Variants in LRCH3 observed in about 807,000 individuals in gnomAD.
LRCH3 encodes the protein leucine rich repeats and calponin homology domain containing 3.
In LRCH3, 68 loss-of-function variants were observed where a neutral mutation model predicts 104.5. The ratio of observed to expected loss-of-function variants is 0.65; its 90% CI spans 0.54 to 0.80. LRCH3 has a LOEUF of 0.80. Ranked by LOEUF, LRCH3 falls within the 30% of genes least tolerant of loss-of-function variation. The probability of loss-of-function intolerance (pLI) is 0.00; values close to 1 mark genes in which losing one functional copy is unlikely to be tolerated. For missense variants in LRCH3, 951 were observed against 953.9 expected, an observed-to-expected ratio of 1.00 and a Z score of 0.04; for synonymous variants, 344 against 361.3, an observed-to-expected ratio of 0.95 and a Z score of 0.54.
intron 10 of LRCH3, among the ~76,000 whole-genome samples, chr3:197,846,390 AAAAAAAAAAAC>A (rs1482748642): frequency 1.8e-3 from 267 of 150,428 alleles, no homozygotes; most frequent in African/African-American, 4.3e-3. Context: ...GGCCACAAAA[AAAAAAAAAAAC>A]AAAAAAAAAA....
intron 12 of LRCH3, among the ~76,000 whole-genome samples, chr3:197,850,012 T>C (rs1282079802): frequency 1.3e-5 from 2 of 152,064 alleles, no homozygotes; most frequent in African/African-American, 4.8e-5. Context: ...AAAAAGAAAT[T>C]ATAGGGACCC....
chr3:197,831,225 C>T lies in LRCH3; in HGVS notation c.981+362C>T. ...AGGACTTTCGGCTGATGGGTAGAGA[C>T]AAGGACCTTAGTAAAGAGTATTCAT... On this transcript the variant is annotated intron_variant, in intron 7 of 20. Coordinates refer to ENST00000425562, the MANE Select transcript of LRCH3 (RefSeq NM_001365715.1). The T allele has an allele frequency of 1.1e-5, 2 of 188,446 alleles. 1 individual carries two copies. The highest frequency in any genetic ancestry group is 2.1e-4 in the South Asian group (2 of 9,676). 11.7% of individuals were successfully genotyped at this position (188,446 alleles called of 1,614,324 possible).
intron 17 of LRCH3, among the ~76,000 whole-genome samples, chr3:197,869,932 G>A (rs1035598879): frequency 3.3e-5 from 5 of 150,070 alleles, no homozygotes; most frequent in Non-Finnish European, 7.4e-5. Flanking sequence ...CCTGCAGGAG[G>A]TAGAAAGCGA....
chr3:197,830,791 T>G lies in LRCH3; in HGVS notation c.909T>G (p.Ser303Arg), dbSNP rs982121293. The G allele has an allele frequency of 8.7e-6, 14 of 1,613,914 alleles. No individual in the cohort carries two copies. The highest frequency in any genetic ancestry group is 1.2e-5 in the Non-Finnish European group (14 of 1,179,930). ...GCAGCCATGAAGAACTGTACTCAAG[T>G]CGCCCTTATGGAGCCCTTGATTCAG... ...FGSCHEELYSSRPYGALDSGF... is the reference protein window; with the variant it reads ...FGSCHEELYSRRPYGALDSGF... Residue 303 changes from serine to arginine, a missense_variant, in exon 7 of 21, where the codon AGT becomes AGG. Transcript: ENST00000425562.
At chr3:197,839,575 C>T (rs964276883) in intron 10 of LRCH3, among the ~76,000 whole-genome samples, 178 bp downstream of exon 10, 1 of 152,080 alleles carries the variant, frequency 6.6e-6, no homozygotes, top group African/African-American at 2.4e-5. Flanking sequence ...TGATTTGATT[C>T]TAAATTGAGA....
intron 9 of LRCH3, among the ~76,000 whole-genome samples, chr3:197,838,560 T>C (rs1388426729): frequency 1.3e-5 from 2 of 152,206 alleles, no homozygotes; most frequent in Admixed American, 6.5e-5. Context: ...GATGATTATT[T>C]TTGGTGTTGA....
At chr3:197,812,530 T>TTTTTTTTTTTTTA (rs1733286183) in intron 1 of LRCH3, among the ~76,000 whole-genome samples, 1 of 145,762 alleles carries the variant, frequency 6.9e-6, no homozygotes, top group South Asian at 2.2e-4. Flanking sequence ...TTTTTTTTTT[T>TTTTTTTTTTTTTA]AGGTGGAGTC....
At chr3:197,818,987 G>A (rs150366981) in intron 3 of LRCH3, among the ~76,000 whole-genome samples, 1,645 of 152,082 alleles carry the variant, frequency 0.011, 26 homozygotes, top group African/African-American at 0.038. Context: ...TTAGCCAGGC[G>A]TGGTGGCACG....
chr3:197,855,947 T>C (rs1740192289), intron 14 of LRCH3, among the ~76,000 whole-genome samples: 1 of 152,212 alleles, frequency 6.6e-6, no homozygotes, highest in Non-Finnish European at 1.5e-5. Context: ...TTCAGAAGGC[T>C]CCCGTTGCTT....
At chr3:197,817,341 T>TATTTTGTGTGTGTGTGCGTGTGTGTGTGG (rs372167489) in intron 3 of LRCH3, 39 bp downstream of exon 3, 1 of 435,452 alleles carries the variant, frequency 2.3e-6, no homozygotes. Context: ...TGTGTGTGTG[T>TATTTTGTGTGTGTGTGCGTGTGTGTGTGG]GTGTCTGTGT....
chr3:197,825,748 G>T (rs949086270), intron 4 of LRCH3, among the ~76,000 whole-genome samples: 4 of 151,612 alleles, frequency 2.6e-5, no homozygotes, highest in African/African-American at 9.7e-5. Context: ...CAAAGTACTG[G>T]GATTACAGGC....
At chr3:197,832,110 C>A (rs1188208706) in intron 7 of LRCH3, 87 bp from the exon 8 acceptor site, 14 of 1,381,948 alleles carry the variant, frequency 1.0e-5, no homozygotes, top group African/African-American at 1.5e-5. Context: ...GATCCTCCTG[C>A]TTTGGTCTCC....
chr3:197,827,967 C>T (rs1316006923), intron 5 of LRCH3, among the ~76,000 whole-genome samples: 3 of 151,346 alleles, frequency 2.0e-5, no homozygotes, highest in African/African-American at 7.3e-5. Flanking sequence ...GTCCCAGCTA[C>T]TCAGGAGGCT....
chr3:197,846,742 A>G (rs931818579), intron 10 of LRCH3, among the ~76,000 whole-genome samples: 5 of 152,162 alleles, frequency 3.3e-5, no homozygotes, highest in African/African-American at 9.7e-5. Flanking sequence ...GACAGTAACT[A>G]ATCTTGCCAG....
intron 5 of LRCH3, among the ~76,000 whole-genome samples, chr3:197,827,785 A>G (rs1735401262): frequency 6.6e-6 from 1 of 152,070 alleles, no homozygotes; most frequent in Non-Finnish European, 1.5e-5. Context: ...GACACCATAA[A>G]TGCTAGAGAC....
intron 10 of LRCH3, among the ~76,000 whole-genome samples, chr3:197,844,830 A>C (rs9758392): frequency 6.6e-6 from 1 of 151,850 alleles, no homozygotes; most frequent in East Asian, 1.9e-4. Flanking sequence ...CATGTTGACC[A>C]GGATGGCCTC....
At chr3:197,837,121 A>G (rs1736926792) in intron 9 of LRCH3, among the ~76,000 whole-genome samples, 1 of 152,218 alleles carries the variant, frequency 6.6e-6, no homozygotes, top group Non-Finnish European at 1.5e-5. Flanking sequence ...TACAGCCCAG[A>G]GATGGCAGTG....
chr3:197,808,093 G>T (rs1401901854), intron 1 of LRCH3, among the ~76,000 whole-genome samples: 1 of 152,178 alleles, frequency 6.6e-6, no homozygotes, highest in South Asian at 2.1e-4. Flanking sequence ...CAGTATCTGC[G>T]ATTGTGTTTG....
At chr3:197,837,948 C>T (rs57520841) in intron 9 of LRCH3, among the ~76,000 whole-genome samples, 16,596 of 151,768 alleles carry the variant, frequency 0.11, 958 homozygotes, top group Middle Eastern at 0.16. Context: ...TAATCCCAGC[C>T]ACTCGGGAGG....
Sources: gnomAD v4.1 joint callset for allele counts (sites outside exome capture counted in the v4.1 genomes callset) on GRCh38, gnomAD v4.1.1 for gene constraint, MANE v1.5 for transcripts, NCBI Gene and HGNC (gene_info 2026-07-23, HGNC 2026-07-21) for gene names.